Variants in GRID2 observed in about 807,000 individuals in gnomAD.
GRID2 encodes the protein glutamate receptor ionotropic, delta-2.
A neutral mutation model predicts 114.8 loss-of-function variants in GRID2; 33 were observed. That is an observed-to-expected ratio of 0.29 (90% CI 0.22 to 0.38). The LOEUF (loss-of-function observed/expected upper bound fraction) is 0.38. GRID2 is among the 10% of genes least tolerant of loss of function. The probability of loss-of-function intolerance (pLI) is 1.00; values close to 1 mark genes in which losing one functional copy is unlikely to be tolerated. For synonymous variants in GRID2, 505 were observed against 449.9 expected (o/e 1.12, Z -1.55); for missense variants, 1,184 against 1,257.7 (o/e 0.94, Z 0.89).
At chr4:92,571,787 G>A (rs990959337) in intron 1 of GRID2, among the ~76,000 whole-genome samples, 1 of 151,912 alleles carries the variant, frequency 6.6e-6, no homozygotes, top group African/African-American at 2.4e-5. Flanking sequence ...ATGACTACTG[G>A]GTACATAACA....
intron 2 of GRID2, among the ~76,000 whole-genome samples, chr4:92,874,502 T>C (rs1209452001): frequency 6.6e-6 from 1 of 152,122 alleles, no homozygotes; most frequent in African/African-American, 2.4e-5. Context: ...AAAATAAAAA[T>C]TGGGTTCAAT....
intron 2 of GRID2, among the ~76,000 whole-genome samples, chr4:93,034,924 A>G (rs1484576226): frequency 6.6e-6 from 1 of 152,178 alleles, no homozygotes; most frequent in Non-Finnish European, 1.5e-5. Context: ...GACAGTATAC[A>G]TTCTTTCAGT....
chr4:92,677,438 G>A (rs897237593), intron 2 of GRID2, among the ~76,000 whole-genome samples: 1 of 152,112 alleles, frequency 6.6e-6, no homozygotes, highest in African/African-American at 2.4e-5. Flanking sequence ...ACTCTTAGGT[G>A]GTAAGAAAAT....
At chr4:93,608,295 T>TC (rs1393561495) in intron 13 of GRID2, among the ~76,000 whole-genome samples, 1 of 61,212 alleles carries the variant, frequency 1.6e-5, no homozygotes, top group Admixed American at 2.2e-4. Flanking sequence ...TATTTTTTTT[T>TC]CTTTTTTTTT....
intron 9 of GRID2, among the ~76,000 whole-genome samples, chr4:93,399,198 T>C (rs1019570213): frequency 6.6e-6 from 1 of 152,096 alleles, no homozygotes; most frequent in Non-Finnish European, 1.5e-5. Flanking sequence ...AATGTGTACA[T>C]GGGAAGAAGC....
chr4:92,771,351 T>C (rs1442403287), intron 2 of GRID2, among the ~76,000 whole-genome samples: 3 of 152,222 alleles, frequency 2.0e-5, no homozygotes, highest in Non-Finnish European at 4.4e-5. Flanking sequence ...TACTCTGTTT[T>C]GTACTCATAT....
intron 2 of GRID2, among the ~76,000 whole-genome samples, chr4:93,042,810 AT>A: frequency 6.6e-6 from 1 of 151,288 alleles, no homozygotes; most frequent in Non-Finnish European, 1.5e-5. Context: ...AATCATTGAT[AT>A]TTTTACATGA....
At chr4:92,702,727 T>A (rs1422406251) in intron 2 of GRID2, 1 of 151,988 alleles carries the variant, frequency 6.6e-6, no homozygotes, top group Non-Finnish European at 1.5e-5. Context: ...TACAATAATA[T>A]TCACAGTATA....
chr4:92,822,526 G>T (rs533526742), intron 2 of GRID2: 48 of 328,644 alleles, frequency 1.5e-4, no homozygotes, highest in South Asian at 1.1e-3. Context: ...TATACTCAGG[G>T]TTATAACCAT....
At chr4:92,547,006 A>T (rs1303351208) in intron 1 of GRID2, among the ~76,000 whole-genome samples, 1 of 152,212 alleles carries the variant, frequency 6.6e-6, no homozygotes, top group Non-Finnish European at 1.5e-5. Flanking sequence ...ATAAGTAGCC[A>T]AGACAGAGCT....
At chr4:92,462,712 A>G (rs1265496206) in intron 1 of GRID2, among the ~76,000 whole-genome samples, 1 of 151,982 alleles carries the variant, frequency 6.6e-6, no homozygotes, top group Non-Finnish European at 1.5e-5. Flanking sequence ...ATCGGTTTAA[A>G]AAAAAAGTAA....
chr4:92,870,738 G>T (rs973469026), intron 2 of GRID2, among the ~76,000 whole-genome samples: 2 of 151,868 alleles, frequency 1.3e-5, no homozygotes. Flanking sequence ...TGTGATAAAA[G>T]AAAAAAATAG....
chr4:92,532,170 AATT>A (rs1336205448), intron 1 of GRID2, among the ~76,000 whole-genome samples: 24 of 152,054 alleles, frequency 1.6e-4, no homozygotes, highest in Admixed American at 1.6e-3. Flanking sequence ...TTAGAGTTTA[AATT>A]ATTCTGACTA....
intron 1 of GRID2, among the ~76,000 whole-genome samples, chr4:92,569,422 G>T (rs546523044): frequency 6.6e-6 from 1 of 152,094 alleles, no homozygotes; most frequent in African/African-American, 2.4e-5. Context: ...GAATAGTGCT[G>T]TAATAAACAT....
At chr4:92,817,866 G>A (rs771798312) in intron 2 of GRID2, among the ~76,000 whole-genome samples, 9 of 151,966 alleles carry the variant, frequency 5.9e-5, no homozygotes, top group Non-Finnish European at 1.3e-4. Flanking sequence ...TTTAATGTAA[G>A]TTCTATGGCA....
intron 2 of GRID2, among the ~76,000 whole-genome samples, chr4:92,810,288 G>A (rs1295604904): frequency 6.6e-6 from 1 of 150,970 alleles, no homozygotes; most frequent in Non-Finnish European, 1.5e-5. Flanking sequence ...CTTAATTTAT[G>A]AGTTATTTTA....
At chr4:93,146,184 C>G (rs771615837) in intron 4 of GRID2, among the ~76,000 whole-genome samples, 16 of 151,976 alleles carry the variant, frequency 1.1e-4, no homozygotes, top group Admixed American at 4.6e-4. Context: ...CACCTAAAAC[C>G]CAACCGCATA....
intron 2 of GRID2, among the ~76,000 whole-genome samples, chr4:93,044,854 G>A (rs534142422): frequency 5.7e-4 from 87 of 152,224 alleles, no homozygotes; most frequent in African/African-American, 2.0e-3. Context: ...AAAATATGCA[G>A]TGTATATCCT....
chr4:93,278,120 C>G (rs1752255331), intron 8 of GRID2, among the ~76,000 whole-genome samples: 1 of 151,652 alleles, frequency 6.6e-6, no homozygotes, highest in Non-Finnish European at 1.5e-5. Flanking sequence ...ATTTTACATG[C>G]CAGAATGGGA....
Sources: gnomAD v4.1 joint callset for allele counts (sites outside exome capture counted in the v4.1 genomes callset) on GRCh38, gnomAD v4.1.1 for gene constraint, MANE v1.5 for transcripts, NCBI Gene and HGNC (gene_info 2026-07-23, HGNC 2026-07-21) for gene names.